Variants in STK32B observed in about 807,000 individuals in gnomAD.
The protein encoded by STK32B is serine/threonine-protein kinase 32B.
In STK32B, 43 loss-of-function variants were observed where a neutral mutation model predicts 52.6. The ratio of observed to expected loss-of-function variants is 0.82; its 90% CI spans 0.64 to 1.05. The LOEUF is 1.05. Among genes scored for constraint, STK32B ranks in the 50% least tolerant of loss-of-function variants. The pLI is 0.00. For synonymous variants in STK32B, 238 were observed against 204.3 expected (o/e 1.17, Z -1.41); for missense variants, 621 against 534.6 (o/e 1.16, Z -1.59).
Position 5,395,752 on chromosome 4 carries a change from G to T in STK32B, c.435-2455G>T, listed in dbSNP as rs1736847498. Among the ~76,000 whole-genome samples, 1 of 152,234 alleles carries T rather than the reference G, an allele frequency of 6.6e-6. No individual in the cohort carries two copies. Among genetic ancestry groups the T allele is most frequent in the Non-Finnish European group, 1.5e-5 (1 of 68,042 alleles). ...TCAGGTATTTAATCCACACAGCAAA[G>T]GAAACTGAAGCAGAGGCAGAGATCA... On this transcript the variant is annotated intron_variant, in intron 4 of 11. Transcript: ENST00000282908. This position sits in a 1 kb window ranked among gnomAD's most constrained non-coding sequence, Gnocchi z 4.4.
intron 3 of STK32B, among the ~76,000 whole-genome samples, chr4:5,175,334 C>G (rs925259889): frequency 6.6e-6 from 1 of 152,164 alleles, no homozygotes; most frequent in Non-Finnish European, 1.5e-5. Context: ...AGCTTTGTTC[C>G]ATTGCTGGTG....
intron 3 of STK32B, among the ~76,000 whole-genome samples, chr4:5,235,720 T>TA (rs1277809970): frequency 2.0e-5 from 3 of 152,240 alleles, no homozygotes; most frequent in Non-Finnish European, 4.4e-5. Context: ...TTGCTAAAAA[T>TA]AGAGTCTTCG....
rs371455145 is a variant in STK32B at position 5,309,663 on chromosome 4, A to G, written c.261-21557A>G. ...ACAGTCTCTTTAATGAATGGTGCCA[A>G]AAATACTGAATATTCATTTGCAGAA... On this transcript the variant is annotated intron_variant, in intron 3 of 11. Transcript: ENST00000282908. Among the ~76,000 whole-genome samples the G allele has an allele frequency of 2.6e-5, 4 of 152,170 alleles. No individual in the cohort carries two copies. The East Asian group carries it at 7.7e-4, about 29-fold the overall frequency.
intron 3 of STK32B, among the ~76,000 whole-genome samples, chr4:5,309,735 A>G (rs2108908408): frequency 6.6e-6 from 1 of 152,348 alleles, no homozygotes; most frequent in East Asian, 1.9e-4. Context: ...CCAACTTAAA[A>G]GGGATTAAGG....
intron 11 of STK32B, among the ~76,000 whole-genome samples, chr4:5,483,101 T>G (rs1432326041): frequency 6.6e-6 from 1 of 152,078 alleles, no homozygotes; most frequent in Non-Finnish European, 1.5e-5. Flanking sequence ...GCTGGACTCA[T>G]AAAATGAGTT....
At chr4:5,488,319 T>C (rs893960779) in intron 11 of STK32B, among the ~76,000 whole-genome samples, 3 of 152,116 alleles carry the variant, frequency 2.0e-5, no homozygotes, top group African/African-American at 7.2e-5. Flanking sequence ...AAAATCAATG[T>C]AAGATTTTAT....
chr4:5,180,064 C>T (rs570401490), intron 3 of STK32B, among the ~76,000 whole-genome samples: 1 of 152,288 alleles, frequency 6.6e-6, no homozygotes, highest in East Asian at 1.9e-4. Flanking sequence ...GAGGGAAATT[C>T]AGAGCTGTTT....
At chr4:5,123,115 C>G (rs1221182162) in intron 1 of STK32B, among the ~76,000 whole-genome samples, 4 of 152,138 alleles carry the variant, frequency 2.6e-5, no homozygotes, top group Non-Finnish European at 5.9e-5. Flanking sequence ...CAGAGTGGTT[C>G]TTCTTTCTCC....
chr4:5,221,854 CAAAAAAAA>C (rs35134769), intron 3 of STK32B, among the ~76,000 whole-genome samples: 3 of 81,132 alleles, frequency 3.7e-5, no homozygotes, highest in Admixed American at 1.4e-4. Flanking sequence ...GACTCTGTCT[CAAAAAAAA>C]AAAAAAAAAA....
intron 7 of STK32B, among the ~76,000 whole-genome samples, chr4:5,456,389 C>G (rs556454794): frequency 6.6e-6 from 1 of 152,252 alleles, no homozygotes; most frequent in Non-Finnish European, 1.5e-5. Context: ...TCGGCCCGGA[C>G]AGGGAAAGTG....
rs1282051865 is a variant in STK32B at position 5,350,341 on chromosome 4, A to C, written c.434+18948A>C. 2.0e-5 allele frequency among the ~76,000 whole-genome samples: 3 copies of C among 152,146 alleles called. No individual in the cohort carries two copies. In the East Asian group the frequency reaches 5.8e-4, roughly 29 times the overall value. The stretch of plus-strand genomic sequence containing the variant: ...GTCTTTCATAAATAAAGGAGAAATA[A>C]AGTCTTTCCCAGACAAGCAAAAGCT... On this transcript the variant is annotated intron_variant, in intron 4 of 11. Coordinates refer to ENST00000282908, the MANE Select transcript of STK32B (RefSeq NM_018401.3).
intron 4 of STK32B, among the ~76,000 whole-genome samples, chr4:5,382,571 G>A (rs1380599892): frequency 6.6e-6 from 1 of 152,048 alleles, no homozygotes; most frequent in African/African-American, 2.4e-5. Flanking sequence ...GTCCCGCTCT[G>A]TGGTCTTCCT....
At chr4:5,028,444 C>G in the STK32B span, among the ~76,000 whole-genome samples, 1 of 152,226 alleles carries the variant, frequency 6.6e-6, no homozygotes, top group Non-Finnish European at 1.5e-5. Flanking sequence ...TTACATACAG[C>G]AACATAGGTT....
intron 4 of STK32B, among the ~76,000 whole-genome samples, chr4:5,368,921 G>A (rs1735049064): frequency 6.6e-6 from 1 of 152,116 alleles, no homozygotes; most frequent in African/African-American, 2.4e-5. Context: ...CCTTGCTGTG[G>A]CAAAGATGGC....
intron 1 of STK32B, among the ~76,000 whole-genome samples, chr4:5,064,254 A>G (rs1742323252): frequency 8.2e-6 from 1 of 121,368 alleles, no homozygotes. Flanking sequence ...AATATATAAT[A>G]TATAAAAACA....
At chr4:5,411,410 C>T (rs1711660679) in intron 5 of STK32B, among the ~76,000 whole-genome samples, 1 of 151,990 alleles carries the variant, frequency 6.6e-6, no homozygotes, top group Non-Finnish European at 1.5e-5. Flanking sequence ...AAAAAGTGGT[C>T]AAAAATGATT....
chr4:5,056,984 A>G (rs1742033367), intron 1 of STK32B, among the ~76,000 whole-genome samples: 3 of 152,210 alleles, frequency 2.0e-5, no homozygotes, highest in Admixed American at 1.3e-4. Flanking sequence ...CCTTTGGTGT[A>G]TCCTACTTAA....
intron 5 of STK32B, among the ~76,000 whole-genome samples, chr4:5,412,050 G>A (rs1402959099): frequency 6.6e-6 from 1 of 152,192 alleles, no homozygotes; most frequent in Non-Finnish European, 1.5e-5. Flanking sequence ...TCCAAGGGGT[G>A]TCAAAGGGTT....
chr4:5,437,350 C>T (rs906605320), intron 6 of STK32B, among the ~76,000 whole-genome samples: 2 of 152,208 alleles, frequency 1.3e-5, no homozygotes, highest in Non-Finnish European at 2.9e-5. Flanking sequence ...TCAGAAGCCA[C>T]GGGAGGATTC....
Sources: allele counts gnomAD v4.1 joint callset (sites outside exome capture counted in the v4.1 genomes callset), GRCh38; gene constraint gnomAD v4.1.1; non-coding constraint Gnocchi (gnomAD v3.1); transcripts MANE v1.5; gene names NCBI Gene and HGNC (gene_info 2026-07-23, HGNC 2026-07-21).